INPP5J: variants seen among roughly 807,000 people sequenced by gnomAD.
INPP5J encodes the protein inositol polyphosphate-5-phosphatase J, also known as phosphatidylinositol 4,5-bisphosphate 5-phosphatase A.
Under a neutral mutation model 86.6 loss-of-function variants are expected in INPP5J, and 75 were observed. That is an observed-to-expected ratio of 0.87 (90% CI 0.72 to 1.05). The LOEUF (loss-of-function observed/expected upper bound fraction) is 1.05, where lower values mean the gene tolerates loss of function less well. INPP5J is among the 50% of genes least tolerant of loss of function. INPP5J has a pLI of 0.00. For missense variants in INPP5J, 1,229 were observed against 1,341.2 expected, an observed-to-expected ratio of 0.92 and a Z score of 1.31; for synonymous variants, 540 against 550.0, an observed-to-expected ratio of 0.98 and a Z score of 0.25.
chr22:31,122,732 TG>T, upstream of INPP5J: 1 of 398,632 alleles, frequency 2.5e-6, no homozygotes, highest in Non-Finnish European at 4.4e-6. Flanking sequence ...GGCAGAAAGG[TG>T]AAGGTAGACA....
At chr22:31,127,882 T>G (rs2093780005) in intron 6 of INPP5J, 69 bp from the exon 7 acceptor site, 1 of 930,964 alleles carries the variant, frequency 1.1e-6, no homozygotes, top group African/African-American at 1.6e-5. Context: ...GGCTGAGCCC[T>G]TATCCTCCAT....
Position 31,127,126 on chromosome 22 carries a change from C to T in INPP5J, c.1611+89C>T, listed in dbSNP as rs1216411127. On this transcript the variant is annotated intron_variant, in intron 5 of 12. Coordinates refer to ENST00000331075, the MANE Select transcript of INPP5J (RefSeq NM_001284285.2). ...GCCCCATGCACAGCAAGGTCCCCTT[C>T]CCATCCTCCACCCTTTACCCTGCGG... The T allele has an allele frequency of 1.5e-4, 145 of 964,752 alleles. 1 individual carries two copies. The South Asian group carries it at 2.0e-3, about 13-fold the overall frequency. The allele number at this position is 964,752 out of a possible 1,614,324, so 59.8% of individuals were successfully genotyped here. A position where few individuals can be genotyped will look rare whatever the true frequency, so the allele number is the denominator to read the frequency against.
Position 31,134,326 on chromosome 22 carries a change from C to A in INPP5J, c.2928C>A (p.Ser976=), listed in dbSNP as rs1302460853. The A allele has an allele frequency of 1.8e-5, 28 of 1,550,724 alleles. No homozygotes were observed. The highest frequency in any genetic ancestry group is 2.4e-5 in the Non-Finnish European group (27 of 1,148,378). The change falls in exon 13 of 13, where the codon TCC becomes TCA. Residue 976 remains serine (S), a synonymous_variant. Coordinates refer to ENST00000331075, the MANE Select transcript of INPP5J (RefSeq NM_001284285.2). ...LETVDPGGGG[S]WGPDREALAP... ...CTGTAGACCCTGGTGGTGGTGGCTC[C>A]TGGGGACCTGATCGGGAGGCCCTGG...
chr22:31,126,722 G>A lies in INPP5J; in HGVS notation c.1494+1G>A. 1 of 1,609,808 alleles carries A rather than the reference G, an allele frequency of 6.2e-7. No homozygotes were observed. Among genetic ancestry groups the A allele is most frequent in the Non-Finnish European group, 8.5e-7 (1 of 1,176,092 alleles). ...GCTAGGGCCCTTCAACTTCGTGCTG[G>A]TAACGCACCCCTCACCCCCTGGACA... On this transcript the variant is annotated splice_donor_variant, in intron 4 of 12. Coordinates refer to ENST00000331075, the MANE Select transcript of INPP5J (RefSeq NM_001284285.2). LOFTEE classifies it high-confidence loss of function.
At chr22:31,124,066 G>A (rs1921116896) in intron 1 of INPP5J, 1 of 155,322 alleles carries the variant, frequency 6.4e-6, no homozygotes, top group Non-Finnish European at 1.4e-5. Context: ...GCTCATAAAT[G>A]CAGACAATGG....
Position 31,125,604 on chromosome 22 carries a change from C to CA in INPP5J, c.866dup (p.His289GlnfsTer5). ...CTTCCGAGCCCGGCCTGAGGCCCTC[C>CA]ACAGCAGCCCTGAGGATCCTGTTTT... is the stretch of plus-strand genomic sequence containing the variant. On this transcript the variant is annotated frameshift_variant, in exon 2 of 13. Coordinates refer to ENST00000331075, the MANE Select transcript of INPP5J (RefSeq NM_001284285.2). LOFTEE classifies it high-confidence loss of function. 6.4e-7 allele frequency: 1 copy of CA among 1,550,582 alleles called. No homozygotes were observed. The highest frequency in any genetic ancestry group is 8.7e-7 in the Non-Finnish European group (1 of 1,146,992).
Position 31,128,685 on chromosome 22 carries a change from AATCCCCAGGC to A in INPP5J, c.2193+32_2193+41del, listed in dbSNP as rs1346283439. The A allele has an allele frequency of 5.8e-6, 9 of 1,539,728 alleles. No individual in the cohort carries two copies. In the South Asian group the frequency reaches 1.0e-4, roughly 17 times the overall value. Reference sequence around the variant, plus strand: ...TTCTGGCCTCATCCTCCCCGCATGAAATCCCCAGGCCCAACTCGGCATACCACTGCCCCTC... The same window carrying A: ...TTCTGGCCTCATCCTCCCCGCATGAACCAACTCGGCATACCACTGCCCCTC... On this transcript the variant is annotated intron_variant, in intron 9 of 12. Coordinates refer to ENST00000331075, the MANE Select transcript of INPP5J (RefSeq NM_001284285.2).
At chr22:31,132,200 G>C (rs564900778) in intron 9 of INPP5J, among the ~76,000 whole-genome samples, 1 of 152,206 alleles carries the variant, frequency 6.6e-6, no homozygotes, top group Admixed American at 6.5e-5. Context: ...GTAACATAGC[G>C]AGTTAGCAGT....
At chr22:31,126,585 C>G in intron 3 of INPP5J, 28 bp from the exon 4 acceptor site, 1 of 1,607,358 alleles carries the variant, frequency 6.2e-7, no homozygotes, top group Non-Finnish European at 8.5e-7. Flanking sequence ...TCTCCAATCC[C>G]ATGGCCACCC....
chr22:31,131,405 A>C (rs1201808750), intron 9 of INPP5J, among the ~76,000 whole-genome samples: 1 of 152,080 alleles, frequency 6.6e-6, no homozygotes, highest in East Asian at 1.9e-4. Flanking sequence ...TCTACTAAAA[A>C]TACAAAAATT....
chr22:31,129,232 CTTT>C (rs576089657), intron 9 of INPP5J, among the ~76,000 whole-genome samples: 77 of 79,118 alleles, frequency 9.7e-4, no homozygotes, highest in Admixed American at 1.8e-3. Context: ...GTCTGGCCAA[CTTT>C]TTTTTTTTTT....
Position 31,134,379 on chromosome 22 carries a change from A to G in INPP5J, c.2981A>G (p.Gln994Arg). The G allele has an allele frequency of 6.7e-7, 1 of 1,492,840 alleles. No homozygotes were observed. Among genetic ancestry groups the G allele is most frequent in the Non-Finnish European group, 8.9e-7 (1 of 1,119,756 alleles). The allele number at this position is 1,492,840 out of a possible 1,614,324, so 92.5% of individuals were successfully genotyped here. Residue 994 changes from glutamine to arginine, a missense_variant, in exon 13 of 13, where the codon CAG becomes CGG. Transcript: ENST00000331075. ...LAPNSLSPSP[Q>R]GHRGLEEGGL... Reference sequence around the variant, plus strand: ...CCCAACAGCCTGTCTCCTAGTCCCCAGGGCCATCGGGGGCTGGAGGAAGGG... The same window carrying G: ...CCCAACAGCCTGTCTCCTAGTCCCCGGGGCCATCGGGGGCTGGAGGAAGGG...
chr22:31,133,865 T>C (rs1188713595), intron 12 of INPP5J, 48 bp from the exon 13 acceptor site: 1 of 1,599,386 alleles, frequency 6.3e-7, no homozygotes, highest in Admixed American at 1.7e-5. Context: ...CAGGCCTCAG[T>C]GGCTGGGTTG....
intron 2 of INPP5J, 181 bp downstream of exon 2, chr22:31,126,191 G>A (rs375061714): frequency 1.5e-5 from 12 of 794,498 alleles, no homozygotes; most frequent in East Asian, 2.7e-5. Flanking sequence ...GGAACTTGCC[G>A]CCTCTCAGTT....
In INPP5J at chr22:31,126,798, G is replaced by A. The variant is rs575470723; in HGVS notation, c.1494+77G>A. ...CTCCAGCTGTACCCTGGCTCACTGT[G>A]GGGCCCGCTGGGCCTCTGTGGCTGG... On this transcript the variant is annotated intron_variant, in intron 4 of 12. Transcript: ENST00000331075. 19 of 1,456,394 alleles carry A rather than the reference G, an allele frequency of 1.3e-5. 1 individual carries two copies. The highest frequency in any genetic ancestry group is 1.7e-4 in the Middle Eastern group (1 of 5,752). 90.2% of individuals were successfully genotyped at this position (1,456,394 alleles called of 1,614,324 possible).
chr22:31,124,359 T>C, intron 1 of INPP5J: 3 of 886,724 alleles, frequency 3.4e-6, no homozygotes, highest in African/African-American at 1.8e-5. Context: ...AAGGGAGAGG[T>C]ATTTAACAAG....
chr22:31,133,687 C>T lies in INPP5J; in HGVS notation c.2487C>T (p.Ile829=), dbSNP rs753267564. 2 of 1,613,202 alleles carry T rather than the reference C, an allele frequency of 1.2e-6. No individual in the cohort carries two copies. The highest frequency in any genetic ancestry group is 1.7e-5 in the Admixed American group (1 of 59,924). ...ILGYYSHNHS[I]LIGITEPFQI... The stretch of plus-strand genomic sequence containing the variant: ...GCTACTATAGTCACAACCACAGCAT[C>T]CTCATCGGCATCACTGAACCCTTCC... The change falls in exon 12 of 13, where the codon ATC becomes ATT. Residue 829 remains isoleucine (I), a synonymous_variant. Coordinates refer to ENST00000331075, the MANE Select transcript of INPP5J (RefSeq NM_001284285.2).
chr22:31,133,278 G>C, intron 10 of INPP5J, 43 bp downstream of exon 10: 1 of 1,602,576 alleles, frequency 6.2e-7, no homozygotes, highest in Non-Finnish European at 8.5e-7. Flanking sequence ...GAAGAAAGGG[G>C]CCTGGAGGAG....
chr22:31,131,933 C>G (rs958396777), intron 9 of INPP5J, among the ~76,000 whole-genome samples: 1 of 152,178 alleles, frequency 6.6e-6, no homozygotes, highest in Non-Finnish European at 1.5e-5. Context: ...GGGGATCAGA[C>G]AAAGATCTGG....
Sources: allele counts gnomAD v4.1 joint callset (sites outside exome capture counted in the v4.1 genomes callset), GRCh38; gene constraint gnomAD v4.1.1; transcripts MANE v1.5; gene names NCBI Gene and HGNC (gene_info 2026-07-23, HGNC 2026-07-21).